The following NUP214 variants were observed in gnomAD, a reference collection of about 807,000 sequenced individuals.
NUP214 encodes nuclear pore complex protein Nup214.
NUP214 carries 79 observed loss-of-function variants against 196.2 expected under a neutral mutation model. The ratio of observed to expected loss-of-function variants is 0.40; its 90% CI spans 0.34 to 0.49. The LOEUF (loss-of-function observed/expected upper bound fraction) is 0.49. Among genes scored for constraint, NUP214 ranks in the 20% least tolerant of loss-of-function variants. NUP214 has a pLI of 0.58. For synonymous variants in NUP214, 1,020 were observed against 990.5 expected, an observed-to-expected ratio of 1.03 and a Z score of -0.56; for missense variants, 2,468 against 2,539.0, an observed-to-expected ratio of 0.97 and a Z score of 0.60.
chr9:131,148,533 C>T (rs1173396711), intron 14 of NUP214, among the ~76,000 whole-genome samples: 4 of 152,098 alleles, frequency 2.6e-5, no homozygotes, highest in Admixed American at 2.6e-4. Flanking sequence ...AGTAGATTCC[C>T]ACCAAGAGTG....
chr9:131,189,055 G>T lies in NUP214; in HGVS notation c.3498G>T (p.Gly1166=). ...TPVAANQAKQ[G]SLINSLKPSG... Reference sequence around the variant, plus strand: ...ATTTTGCTTGCATTCTGTTATAGGGGTCTCTAATAAATTCCCTTAAGCCAT... The same window carrying T: ...ATTTTGCTTGCATTCTGTTATAGGGTTCTCTAATAAATTCCCTTAAGCCAT... The change falls in exon 26 of 36, where the codon GGG becomes GGT. Residue 1166 remains glycine, a splice_region_variant and synonymous_variant. Transcript: ENST00000359428. 2 of 1,612,228 alleles carry T rather than the reference G, an allele frequency of 1.2e-6. No homozygotes were observed. The highest frequency in any genetic ancestry group is 1.7e-6 in the Non-Finnish European group (2 of 1,178,296).
At chr9:131,224,107 TCA>T (rs1441962590) in intron 32 of NUP214, among the ~76,000 whole-genome samples, 2 of 152,128 alleles carry the variant, frequency 1.3e-5, no homozygotes, top group African/African-American at 2.4e-5. Context: ...GAATTAATTA[TCA>T]CAGTTGGAAT....
Position 131,232,167 on chromosome 9 carries a change from G to A in NUP214, c.6215-117G>A. The A allele has an allele frequency of 1.0e-6, 1 of 1,000,294 alleles. No homozygotes were observed. The highest frequency in any genetic ancestry group is 1.7e-5 in the Admixed American group (1 of 57,498). The allele number at this position is 1,000,294 out of a possible 1,614,324, so 62.0% of individuals were successfully genotyped here. A position where few individuals can be genotyped will look rare whatever the true frequency, so the allele number is the denominator to read the frequency against. ...CCTTTCCTGCCTTCCTGTAGGTGGT[G>A]GAGGCACGGAGGGCTTCCCACAAGA... is the stretch of plus-strand genomic sequence containing the variant. On this transcript the variant is annotated intron_variant, in intron 34 of 35. Transcript: ENST00000359428. This position sits in a 1 kb window ranked among gnomAD's most constrained non-coding sequence, Gnocchi z 5.1.
chr9:131,225,730 G>T (rs1053310361), intron 32 of NUP214, among the ~76,000 whole-genome samples: 1 of 152,148 alleles, frequency 6.6e-6, no homozygotes, highest in Non-Finnish European at 1.5e-5. Flanking sequence ...CAGAAGGAAG[G>T]GCTGCTGTGA....
intron 17 of NUP214, among the ~76,000 whole-genome samples, chr9:131,152,492 TAAATAAATAATAA>T (rs1249264889): frequency 1.3e-5 from 2 of 151,198 alleles, no homozygotes; most frequent in African/African-American, 2.4e-5. Context: ...ATAATAATTA[TAAATAAATAATAA>T]AAATAAATAA....
chr9:131,207,679 T>G (rs1348074186), intron 30 of NUP214, among the ~76,000 whole-genome samples: 1 of 152,196 alleles, frequency 6.6e-6, no homozygotes, highest in Non-Finnish European at 1.5e-5. Context: ...TAGAAGAGCA[T>G]ATGTGACTAG....
At chr9:131,129,714 G>A (rs761793767) in intron 4 of NUP214, among the ~76,000 whole-genome samples, 22 of 151,470 alleles carry the variant, frequency 1.5e-4, no homozygotes, top group Non-Finnish European at 2.8e-4. Flanking sequence ...AGCAATTCTC[G>A]TGCCTCGGCC....
At chr9:131,139,886 GTAGCTTGGCTA>G (rs562475427) in intron 10 of NUP214, among the ~76,000 whole-genome samples, 331 of 152,324 alleles carry the variant, frequency 2.2e-3, no homozygotes, top group African/African-American at 7.7e-3. Context: ...CTTCCCTGCA[GTAGCTTGGCTA>G]TACTGTAGTC....
At position 131,146,186 on chromosome 9, in the gene NUP214, G is replaced by A. The variant is rs139404009; in HGVS notation, c.1827G>A (p.Met609Ile). 2 of 1,613,976 alleles carry A rather than the reference G, an allele frequency of 1.2e-6. No homozygotes were observed. The highest frequency in any genetic ancestry group is 1.7e-6 in the Non-Finnish European group (2 of 1,180,036). Reference sequence around the variant, plus strand: ...GTAGCTCCCAGAGCGCACCCCCGATGTCGCCATTCTCTTCTGCCTCCAAGC... The same window carrying A: ...GTAGCTCCCAGAGCGCACCCCCGATATCGCCATTCTCTTCTGCCTCCAAGC... ...PVSSSQSAPP[M>I]SPFSSASKPA... The change falls in exon 13 of 36, where the codon ATG becomes ATA. Residue 609 changes from methionine (M) to isoleucine (I), a missense_variant. Physicochemically the swap from Met to Ile is conservative, Grantham distance 10 (BLOSUM62 1). Transcript: ENST00000359428. The surrounding 1 kb of genome is among the most constrained non-coding windows in gnomAD (Gnocchi z 4.6).
chr9:131,173,966 A>ATTT, intron 21 of NUP214, 89 bp from the exon 22 acceptor site: 3 of 1,154,326 alleles, frequency 2.6e-6, no homozygotes, highest in Non-Finnish European at 3.6e-6. Flanking sequence ...CAAGTTGAGT[A>ATTT]TTTTTTTTTT....
At chr9:131,196,254 G>A (rs1027948289) in intron 28 of NUP214, among the ~76,000 whole-genome samples, 1 of 152,002 alleles carries the variant, frequency 6.6e-6, no homozygotes, top group Admixed American at 6.5e-5. Context: ...CACCTGCTGG[G>A]TTCCAGCGAT....
In NUP214 at chr9:131,144,767, T is replaced by C. The variant is rs753679416; in HGVS notation, c.1769+13T>C. The C allele has an allele frequency of 1.2e-5, 19 of 1,543,040 alleles. No homozygotes were observed. The highest frequency in any genetic ancestry group is 1.7e-5 in the Non-Finnish European group (19 of 1,132,170). ...ACCTTAGTGAAAAGTAAGTCACTTCTAAAGTTTGATTCTTCTGTGAGTTGG... is the reference window on the plus strand; with the variant it reads ...ACCTTAGTGAAAAGTAAGTCACTTCCAAAGTTTGATTCTTCTGTGAGTTGG... On this transcript the variant is annotated intron_variant, in intron 12 of 35. Coordinates refer to ENST00000359428, the MANE Select transcript of NUP214 (RefSeq NM_005085.4).
intron 11 of NUP214, chr9:131,141,593 CT>C (rs1414816394): frequency 6.6e-6 from 1 of 151,388 alleles, no homozygotes; most frequent in Non-Finnish European, 1.5e-5. Context: ...AGGCAGTCAC[CT>C]AAGCCTCCCA....
rs372453954 is a variant in NUP214 at position 131,125,661 on chromosome 9, G to A, written c.-44G>A. 6.1e-5 allele frequency: 94 copies of A among 1,547,560 alleles called. No homozygotes were observed. Among genetic ancestry groups the A allele is most frequent in the Non-Finnish European group, 6.2e-5 (71 of 1,144,694 alleles). ...CGGCCTGGGTTCCGTGGGCAAGGCC[G>A]TGGGAGGCAGCGTTGGCTGCTTCGA... is the stretch of plus-strand genomic sequence containing the variant. On this transcript the variant is annotated 5_prime_UTR_variant, in exon 1 of 36. In the 5' UTR this introduces an upstream ATG that the reference lacks. Transcript: ENST00000359428. This position sits in a 1 kb window ranked among gnomAD's most constrained non-coding sequence, Gnocchi z 4.1.
In NUP214 at chr9:131,196,153, C is replaced by G. The variant is rs189943925; in HGVS notation, c.3721+859C>G. On this transcript the variant is annotated intron_variant, in intron 28 of 35. Transcript: ENST00000359428. ...TTCAGTTATCCGTTTATGATTAAGTCTTTTATTTTATTTATTTATTTTGAG... is the reference window on the plus strand; with the variant it reads ...TTCAGTTATCCGTTTATGATTAAGTGTTTTATTTTATTTATTTATTTTGAG... 5.4e-3 allele frequency among the ~76,000 whole-genome samples: 823 copies of G among 151,398 alleles called. 5 individuals are homozygous for G. Among genetic ancestry groups the G allele is most frequent in the Non-Finnish European group, 9.3e-3 (631 of 67,844 alleles).
At chr9:131,163,768 A>G in intron 19 of NUP214, 102 bp from the exon 20 acceptor site, 1 of 784,942 alleles carries the variant, frequency 1.3e-6, no homozygotes, top group Non-Finnish European at 2.2e-6. Flanking sequence ...TATTGGGGAT[A>G]TTCTCATGTC....
intron 7 of NUP214, among the ~76,000 whole-genome samples, 160 bp downstream of exon 7, chr9:131,133,369 A>C (rs1178047847): frequency 7.1e-6 from 1 of 141,546 alleles, no homozygotes; most frequent in Non-Finnish European, 1.5e-5. Context: ...CAGTGATGCG[A>C]TCTCACCTCA....
chr9:131,176,506 T>A (rs2131004124), intron 23 of NUP214, among the ~76,000 whole-genome samples: 1 of 152,066 alleles, frequency 6.6e-6, no homozygotes, highest in South Asian at 2.1e-4. Flanking sequence ...TTTAAAAAAT[T>A]TTTGTAGAGA....
chr9:131,166,996 A>G (rs1832803570), intron 21 of NUP214: 1 of 152,056 alleles, frequency 6.6e-6, no homozygotes, highest in Admixed American at 6.6e-5. Flanking sequence ...ACCATAATAC[A>G]GTTTGCAGGT....
Sources: gnomAD v4.1 joint callset for allele counts (sites outside exome capture counted in the v4.1 genomes callset) on GRCh38, gnomAD v4.1.1 for gene constraint, Gnocchi (gnomAD v3.1) non-coding constraint, MANE v1.5 for transcripts, NCBI Gene and HGNC (gene_info 2026-07-23, HGNC 2026-07-21) for gene names.